Variants in CCNY observed in about 807,000 individuals in gnomAD.
The protein encoded by CCNY is cyclin-Y.
A neutral mutation model predicts 42.8 loss-of-function variants in CCNY; 19 were observed. The ratio of observed to expected loss-of-function variants is 0.44; its 90% CI spans 0.31 to 0.65. The LOEUF (loss-of-function observed/expected upper bound fraction) is 0.65. CCNY is among the 30% of genes least tolerant of loss of function. The pLI is 0.07. For synonymous variants in CCNY, 165 were observed against 162.7 expected, an observed-to-expected ratio of 1.01 and a Z score of -0.11; for missense variants, 370 against 437.3, an observed-to-expected ratio of 0.85 and a Z score of 1.37.
chr10:35,356,699 C>T (rs1421211670), intron 1 of CCNY, among the ~76,000 whole-genome samples: 2 of 152,192 alleles, frequency 1.3e-5, no homozygotes, highest in Non-Finnish European at 2.9e-5. Flanking sequence ...GGAAAAAAGA[C>T]TGGGCTTTGT....
chr10:35,531,894 C>T (rs1293046491), intron 7 of CCNY, among the ~76,000 whole-genome samples: 1 of 152,226 alleles, frequency 6.6e-6, no homozygotes, highest in Non-Finnish European at 1.5e-5. Context: ...AACAGGCATC[C>T]CTTGCTGCCC....
Position 35,354,184 on chromosome 10 carries a change from CT to C in CCNY, c.154+16996del, listed in dbSNP as rs549476804. Among the ~76,000 whole-genome samples, 1,024 of 131,490 alleles carry C rather than the reference CT, an allele frequency of 7.8e-3. 2 individuals are homozygous for C. The highest frequency in any genetic ancestry group is 0.014 in the African/African-American group (492 of 35,528). The allele number at this position is 131,490 out of a possible 152,430, so 86.3% of individuals were successfully genotyped here. On this transcript the variant is annotated intron_variant, in intron 1 of 9. Coordinates refer to ENST00000374704, the MANE Select transcript of CCNY (RefSeq NM_145012.6). ...CCACAAGATGGAAGCCATACATAGT[CT>C]TTTTTTTTTTTTTTTTTTGGGATGA...
At chr10:35,473,234 G>A (rs772795415) in intron 1 of CCNY, among the ~76,000 whole-genome samples, 10 of 152,156 alleles carry the variant, frequency 6.6e-5, no homozygotes, top group South Asian at 2.1e-4. Flanking sequence ...TGTCCCTCCC[G>A]GAGGCCGGCC....
intron 1 of CCNY, among the ~76,000 whole-genome samples, chr10:35,433,188 A>T (rs1197542340): frequency 6.6e-6 from 1 of 152,228 alleles, no homozygotes; most frequent in Non-Finnish European, 1.5e-5. Flanking sequence ...TCTACAAAAA[A>T]TAATAAAAAA....
At chr10:35,348,081 T>C (rs1356351187) in intron 1 of CCNY, among the ~76,000 whole-genome samples, 3 of 152,216 alleles carry the variant, frequency 2.0e-5, no homozygotes, top group Non-Finnish European at 4.4e-5. Flanking sequence ...CCTCAAGCTG[T>C]GAACCGTTAT....
chr10:35,263,710 T>A (rs1273828797), intron 3 of CCNY, among the ~76,000 whole-genome samples: 1 of 152,228 alleles, frequency 6.6e-6, no homozygotes, highest in Non-Finnish European at 1.5e-5. Context: ...AGTTCCGGGA[T>A]ACATGTGCAG....
chr10:35,524,291 C>A (rs1840605798), intron 4 of CCNY, among the ~76,000 whole-genome samples: 2 of 152,208 alleles, frequency 1.3e-5, no homozygotes, highest in South Asian at 4.1e-4. Flanking sequence ...GTTACAATTT[C>A]TTCATCAGCT....
At chr10:35,480,694 G>T (rs1839648181) in intron 1 of CCNY, among the ~76,000 whole-genome samples, 1 of 152,312 alleles carries the variant, frequency 6.6e-6, no homozygotes, top group African/African-American at 2.4e-5. Flanking sequence ...GCTGGGCACA[G>T]TGACTCATAC....
intron 3 of CCNY, among the ~76,000 whole-genome samples, chr10:35,508,331 C>T (rs1013422763): frequency 1.6e-4 from 24 of 152,144 alleles, no homozygotes; most frequent in Non-Finnish European, 1.5e-4. Flanking sequence ...TTAAATATTT[C>T]GATGTCCTAG....
chr10:35,288,196 C>A lies in CCNY; in HGVS notation c.-9+37570C>A, dbSNP rs1408778220. Among the ~76,000 whole-genome samples, 3 of 152,140 alleles carry A rather than the reference C, an allele frequency of 2.0e-5. No homozygotes were observed. In the East Asian group the frequency reaches 5.8e-4, roughly 29 times the overall value. Reference sequence around the variant, plus strand: ...CCTATTATGATTTTAATTTCCATTTCCCTGATGACTAAATACATTGAACAT... The same window carrying A: ...CCTATTATGATTTTAATTTCCATTTACCTGATGACTAAATACATTGAACAT... On this transcript the variant is annotated intron_variant, in intron 3 of 11. Coordinates refer to the CCNY transcript ENST00000374706.
At chr10:35,338,363 T>A (rs1836098754) in intron 1 of CCNY, among the ~76,000 whole-genome samples, 1 of 152,238 alleles carries the variant, frequency 6.6e-6, no homozygotes, top group South Asian at 2.1e-4. Context: ...ATGAGTGCCA[T>A]GTATAAAGGG....
chr10:35,255,691 CTCAAGTGA>C (rs1565053661), intron 3 of CCNY, among the ~76,000 whole-genome samples: 1 of 151,690 alleles, frequency 6.6e-6, no homozygotes, highest in East Asian at 1.9e-4. Context: ...ACCTCCTGGG[CTCAAGTGA>C]TCCTCCCACC....
At chr10:35,465,941 G>GTGTGTC (rs1839257460) in intron 1 of CCNY, among the ~76,000 whole-genome samples, 1 of 146,018 alleles carries the variant, frequency 6.8e-6, no homozygotes, top group Admixed American at 6.8e-5. Context: ...GAGAGAGAGT[G>GTGTGTC]TGTGTGTGTG....
At chr10:35,266,497 C>T (rs1589007268) in intron 3 of CCNY, among the ~76,000 whole-genome samples, 2 of 152,092 alleles carry the variant, frequency 1.3e-5, no homozygotes, top group Middle Eastern at 3.4e-3. Flanking sequence ...CTCTCTCTCA[C>T]GCGTGGACAC....
At chr10:35,413,272 G>A (rs1204129080) in intron 1 of CCNY, among the ~76,000 whole-genome samples, 1 of 152,162 alleles carries the variant, frequency 6.6e-6, no homozygotes, top group African/African-American at 2.4e-5. Flanking sequence ...GGTGGAGGTG[G>A]TTGGATATGG....
intron 8 of CCNY, among the ~76,000 whole-genome samples, chr10:35,563,443 C>T (rs935069162): frequency 6.6e-6 from 1 of 152,156 alleles, no homozygotes; most frequent in Non-Finnish European, 1.5e-5. Flanking sequence ...TTTCTTCTTA[C>T]TATTGGGAGA....
intron 3 of CCNY, among the ~76,000 whole-genome samples, chr10:35,260,600 G>T (rs191391299): frequency 1.3e-5 from 2 of 152,202 alleles, no homozygotes; most frequent in South Asian, 4.1e-4. Context: ...GAATGTAAGC[G>T]CCTGTGCCCC....
At position 35,451,217 on chromosome 10, in the gene CCNY, C is replaced by T. The variant is rs114205911; in HGVS notation, c.155-32187C>T. ...TATATAAATTGTGAAATCATCTTCT[C>T]CCACTTCTTCCCCCTTTTTTACAAA... On this transcript the variant is annotated intron_variant, in intron 1 of 9. Transcript: ENST00000374704. 3.3e-3 allele frequency among the ~76,000 whole-genome samples: 510 copies of T among 152,278 alleles called. 4 individuals carry two copies. The highest frequency in any genetic ancestry group is 0.012 in the African/African-American group (480 of 41,556).
chr10:35,257,067 A>G (rs907456178), intron 3 of CCNY, among the ~76,000 whole-genome samples: 7 of 152,094 alleles, frequency 4.6e-5, no homozygotes, highest in African/African-American at 1.7e-4. Context: ...CCATGTATTT[A>G]CCTTTATTGA....
Sources: allele counts gnomAD v4.1 joint callset (sites outside exome capture counted in the v4.1 genomes callset), GRCh38; gene constraint gnomAD v4.1.1; transcripts MANE v1.5; gene names NCBI Gene and HGNC (gene_info 2026-07-23, HGNC 2026-07-21).